The following PLSCR2 variants were observed in gnomAD, a reference collection of about 807,000 sequenced individuals.
PLSCR2 encodes PL scramblase 2.
PLSCR2 carries 18 observed loss-of-function variants against 25.3 expected under a neutral mutation model. That is an observed-to-expected ratio of 0.71 (90% CI 0.49 to 1.06). The LOEUF (loss-of-function observed/expected upper bound fraction) is 1.06. PLSCR2 is among the 50% of genes least tolerant of loss of function. The probability of loss-of-function intolerance (pLI) is 0.00; values close to 1 mark genes in which losing one functional copy is unlikely to be tolerated. For synonymous variants in PLSCR2, 88 were observed against 87.3 expected, an observed-to-expected ratio of 1.01 and a Z score of -0.04; for missense variants, 243 against 269.5, an observed-to-expected ratio of 0.90 and a Z score of 0.69.
chr3:146,469,561 T>A, intron 1 of PLSCR2: 2 of 985,440 alleles, frequency 2.0e-6, no homozygotes. Flanking sequence ...TCCTCCCGTC[T>A]GCCCCGTGAC....
chr3:146,454,145 GA>G lies in PLSCR2; in HGVS notation c.339del (p.Pro114LeufsTer5). 9 of 1,586,494 alleles carry G rather than the reference GA, an allele frequency of 5.7e-6. No homozygotes were observed. The highest frequency in any genetic ancestry group is 1.2e-5 in the South Asian group (1 of 85,200). The stretch of plus-strand genomic sequence containing the variant: ...GTAACATAACCTACTGGTACACCAG[GA>G]GGAGCTTGGATTTCTATCTACAAAA... On this transcript the variant is annotated frameshift_variant, in exon 5 of 7. Coordinates refer to ENST00000610787, the Ensembl canonical transcript of PLSCR2. LOFTEE classifies it high-confidence loss of function.
At chr3:146,426,669 C>T (rs73868810) in intron 2 of PLSCR2, among the ~76,000 whole-genome samples, 12,499 of 151,968 alleles carry the variant, frequency 0.082, 664 homozygotes, top group African/African-American at 0.14. Flanking sequence ...ATTAATATTA[C>T]GGAAAGCAGA....
intron 1 of PLSCR2, among the ~76,000 whole-genome samples, chr3:146,489,038 C>A (rs934959216): frequency 1.3e-5 from 2 of 152,044 alleles, no homozygotes; most frequent in Non-Finnish European, 2.9e-5. Flanking sequence ...GAGCTGGAAG[C>A]CATCATTCTC....
chr3:146,477,978 G>A (rs759197512), intron 1 of PLSCR2, among the ~76,000 whole-genome samples: 22 of 152,168 alleles, frequency 1.4e-4, no homozygotes, highest in African/African-American at 5.1e-4. Flanking sequence ...GTCTGGAGTG[G>A]ACCTCCAGCA....
At chr3:146,483,446 CAT>C (rs1256946181) in intron 1 of PLSCR2, among the ~76,000 whole-genome samples, 11 of 41,454 alleles carry the variant, frequency 2.7e-4, no homozygotes, top group African/African-American at 1.2e-3. Flanking sequence ...TATATATACA[CAT>C]GTATGTATAT....
chr3:146,446,815 T>A (rs2040581160), intron 6 of PLSCR2, among the ~76,000 whole-genome samples: 1 of 152,130 alleles, frequency 6.6e-6, no homozygotes, highest in Non-Finnish European at 1.5e-5. Context: ...GTTGGGAACC[T>A]TAGGAATCTA....
At chr3:146,455,507 C>G (rs1448327984) in intron 3 of PLSCR2, 48 bp from the exon 4 acceptor site, 1 of 1,125,844 alleles carries the variant, frequency 8.9e-7, no homozygotes, top group Non-Finnish European at 1.3e-6. Context: ...AATGATTGAA[C>G]CTATCTTAAG....
chr3:146,450,574 G>A (rs1382807264), intron 5 of PLSCR2, among the ~76,000 whole-genome samples: 5 of 152,182 alleles, frequency 3.3e-5, no homozygotes, highest in Non-Finnish European at 1.5e-5. Flanking sequence ...TCTTACATAT[G>A]GGTAAGTGGT....
chr3:146,398,995 G>A (rs933890917), intron 2 of PLSCR2, among the ~76,000 whole-genome samples: 7 of 151,830 alleles, frequency 4.6e-5, no homozygotes, highest in African/African-American at 1.7e-4. Flanking sequence ...GAGAAGACCA[G>A]GATTTAGATG....
At chr3:146,393,910 G>C (rs2038184150) in intron 3 of PLSCR2, among the ~76,000 whole-genome samples, 1 of 151,220 alleles carries the variant, frequency 6.6e-6, no homozygotes, top group Non-Finnish European at 1.5e-5. Context: ...CTTATATCTA[G>C]TATAAATGAA....
At chr3:146,485,926 T>G (rs2043324003) in intron 1 of PLSCR2, among the ~76,000 whole-genome samples, 1 of 152,068 alleles carries the variant, frequency 6.6e-6, no homozygotes. Context: ...TCAGATCTTG[T>G]GAGACCCATT....
chr3:146,435,487 C>T (rs557221167), intron 8 of PLSCR2, among the ~76,000 whole-genome samples: 6 of 152,166 alleles, frequency 3.9e-5, no homozygotes, highest in South Asian at 4.2e-4. Context: ...GATGGTATCT[C>T]ATTGTGGTTT....
intron 2 of PLSCR2, among the ~76,000 whole-genome samples, chr3:146,400,184 A>C (rs140544852): frequency 6.6e-6 from 1 of 151,924 alleles, no homozygotes; most frequent in African/African-American, 2.4e-5. Context: ...ACAGATGACA[A>C]AGGAAGAAGT....
chr3:146,418,664 C>T (rs2039058122), intron 2 of PLSCR2, among the ~76,000 whole-genome samples: 1 of 152,118 alleles, frequency 6.6e-6, no homozygotes, highest in South Asian at 2.1e-4. Flanking sequence ...CAGGATTCTG[C>T]CCTCTTGTCC....
At chr3:146,408,474 G>C (rs2038731242) in intron 2 of PLSCR2, among the ~76,000 whole-genome samples, 1 of 151,952 alleles carries the variant, frequency 6.6e-6, no homozygotes, top group Non-Finnish European at 1.5e-5. Flanking sequence ...TCTTTTGAAT[G>C]CTTTATCAGC....
At chr3:146,417,441 G>C (rs180719725) in intron 2 of PLSCR2, among the ~76,000 whole-genome samples, 1 of 152,000 alleles carries the variant, frequency 6.6e-6, no homozygotes, top group Non-Finnish European at 1.5e-5. Context: ...AAAAACAAGA[G>C]TAAATTTTAA....
intron 3 of PLSCR2, among the ~76,000 whole-genome samples, chr3:146,457,555 G>C (rs2041288686): frequency 6.6e-6 from 1 of 152,198 alleles, no homozygotes; most frequent in Non-Finnish European, 1.5e-5. Context: ...GTAATCTACA[G>C]CACGTGGAAC....
At chr3:146,425,635 G>A (rs567270544) in intron 2 of PLSCR2, among the ~76,000 whole-genome samples, 1 of 152,256 alleles carries the variant, frequency 6.6e-6, no homozygotes, top group Admixed American at 6.5e-5. Flanking sequence ...AAAAAGTATA[G>A]ATGGCTTAAA....
At chr3:146,482,093 C>T (rs2043151013) in intron 1 of PLSCR2, among the ~76,000 whole-genome samples, 1 of 152,162 alleles carries the variant, frequency 6.6e-6, no homozygotes, top group Admixed American at 6.5e-5. Context: ...GGAATAATGA[C>T]TTAAATTTTA....
Sources: gnomAD v4.1 joint callset for allele counts (sites outside exome capture counted in the v4.1 genomes callset) on GRCh38, gnomAD v4.1.1 for gene constraint, MANE v1.5 for transcripts, NCBI Gene and HGNC (gene_info 2026-07-23, HGNC 2026-07-21) for gene names.